RBFOX1: variants seen among roughly 807,000 people sequenced by gnomAD.
RBFOX1 encodes RNA binding fox-1 homolog 1.
In RBFOX1, 8 loss-of-function variants were observed where a neutral mutation model predicts 57.7. The observed-to-expected ratio is 0.14, with a 90% CI of 0.08 to 0.25. The LOEUF (loss-of-function observed/expected upper bound fraction) is 0.25, where lower values mean the gene tolerates loss of function less well. Ranked by LOEUF, RBFOX1 falls within the 10% of genes least tolerant of loss-of-function variation. The pLI is 1.00. For synonymous variants in RBFOX1, 326 were observed against 222.4 expected, an observed-to-expected ratio of 1.47 and a Z score of -4.15; for missense variants, 611 against 548.5, an observed-to-expected ratio of 1.11 and a Z score of -1.14.
chr16:5,780,533 T>C (rs1312776886), intron 3 of RBFOX1, among the ~76,000 whole-genome samples: 1 of 152,188 alleles, frequency 6.6e-6, no homozygotes. Context: ...TATTTGTCAA[T>C]TTAAACAATC....
At chr16:6,777,156 G>C (rs575301534) in intron 3 of RBFOX1, among the ~76,000 whole-genome samples, 7 of 140,082 alleles carry the variant, frequency 5.0e-5, no homozygotes, top group South Asian at 4.4e-4. Context: ...ACATTTTCCA[G>C]ATATTTCTAG....
chr16:5,613,660 A>G (rs569579124), intron 3 of RBFOX1, among the ~76,000 whole-genome samples: 1 of 152,320 alleles, frequency 6.6e-6, no homozygotes, highest in Non-Finnish European at 1.5e-5. Context: ...TACCAGGACC[A>G]TATTGGGGTC....
intron 3 of RBFOX1, among the ~76,000 whole-genome samples, chr16:7,009,232 T>A (rs1261291157): frequency 2.2e-5 from 3 of 134,786 alleles, no homozygotes; most frequent in Non-Finnish European, 4.7e-5. Context: ...CTTTCTTTTT[T>A]CTTCTTGTCT....
intron 10 of RBFOX1, among the ~76,000 whole-genome samples, chr16:7,620,061 C>A (rs187936127): frequency 6.6e-6 from 1 of 152,262 alleles, no homozygotes; most frequent in African/African-American, 2.4e-5. Flanking sequence ...TTATGTTTAG[C>A]ATTATGTTTA....
intron 4 of RBFOX1, among the ~76,000 whole-genome samples, chr16:7,156,790 C>T (rs2077239755): frequency 6.6e-6 from 1 of 152,076 alleles, no homozygotes; most frequent in Non-Finnish European, 1.5e-5. Context: ...TCTGTGTATA[C>T]TTCTATCTCT....
At chr16:7,575,445 T>C (rs2093240927) in intron 5 of RBFOX1, among the ~76,000 whole-genome samples, 1 of 152,078 alleles carries the variant, frequency 6.6e-6, no homozygotes, top group Non-Finnish European at 1.5e-5. Context: ...AGTATCGTTT[T>C]AAGAAGAAAA....
At chr16:7,663,137 C>T (rs1256618658) in intron 12 of RBFOX1, among the ~76,000 whole-genome samples, 8 of 152,198 alleles carry the variant, frequency 5.3e-5, no homozygotes, top group Non-Finnish European at 2.9e-5. Context: ...ATCTGTTGCT[C>T]CCTCTCTTTC....
chr16:6,879,202 T>A (rs1052187898), intron 3 of RBFOX1, among the ~76,000 whole-genome samples: 3 of 152,120 alleles, frequency 2.0e-5, no homozygotes, highest in Non-Finnish European at 2.9e-5. Flanking sequence ...TCCAGTAATA[T>A]GATATTTTTA....
chr16:7,138,444 A>G (rs2072666360), intron 4 of RBFOX1, among the ~76,000 whole-genome samples: 2 of 152,168 alleles, frequency 1.3e-5, no homozygotes, highest in Non-Finnish European at 1.5e-5. Flanking sequence ...GGAGGCAAGG[A>G]TGCTCAAAGC....
chr16:5,922,889 C>T (rs909709506), intron 4 of RBFOX1, among the ~76,000 whole-genome samples: 4 of 152,160 alleles, frequency 2.6e-5, no homozygotes, highest in Non-Finnish European at 5.9e-5. Context: ...TGGCAGACAC[C>T]AGCACTTTGC....
rs8058105 is a variant in RBFOX1, at chr16:7,439,757, C to T, written c.28-78390C>T. Among the ~76,000 whole-genome samples the T allele has an allele frequency of 4.3e-3, 659 of 152,168 alleles. 4 individuals carry two copies. Among genetic ancestry groups the T allele is most frequent in the African/African-American group, 0.015 (633 of 41,512 alleles). Reference sequence around the variant, plus strand: ...TGTCTTTTCCTCATGCATATTCTTTCCTGAGCATCTACCGCCAAATTTACA... The same window carrying T: ...TGTCTTTTCCTCATGCATATTCTTTTCTGAGCATCTACCGCCAAATTTACA... On this transcript the variant is annotated intron_variant, in intron 4 of 15. Coordinates refer to ENST00000550418, the MANE Select transcript of RBFOX1 (RefSeq NM_018723.4).
chr16:6,213,192 C>G (rs1369851108), intron 1 of RBFOX1, among the ~76,000 whole-genome samples: 4 of 151,612 alleles, frequency 2.6e-5, no homozygotes, highest in Admixed American at 2.0e-4. Flanking sequence ...ATATTTTTTT[C>G]TTTTTTATGA....
At chr16:6,615,545 G>A (rs2098129652) in intron 2 of RBFOX1, among the ~76,000 whole-genome samples, 2 of 151,388 alleles carry the variant, frequency 1.3e-5, no homozygotes, top group African/African-American at 2.4e-5. Flanking sequence ...TCTCCATCCT[G>A]GGAGAAAGAG....
At chr16:5,951,199 G>C (rs907147529) in intron 4 of RBFOX1, among the ~76,000 whole-genome samples, 5 of 152,164 alleles carry the variant, frequency 3.3e-5, no homozygotes, top group African/African-American at 1.2e-4. Context: ...TGAAATCTCA[G>C]CACTTTGGGA....
At chr16:5,838,262 G>T in intron 3 of RBFOX1, 1 of 226,974 alleles carries the variant, frequency 4.4e-6, no homozygotes, top group South Asian at 7.7e-5. Context: ...TGTTCCAGGT[G>T]ACAACAGCTC....
chr16:6,655,853 G>C (rs1191212468), intron 3 of RBFOX1, among the ~76,000 whole-genome samples: 1 of 152,222 alleles, frequency 6.6e-6, no homozygotes, highest in South Asian at 2.1e-4. Context: ...ATCATGACTG[G>C]GGCATGTCTG....
intron 1 of RBFOX1, among the ~76,000 whole-genome samples, chr16:5,378,892 T>TA (rs2066059397): frequency 6.6e-6 from 1 of 151,522 alleles, no homozygotes; most frequent in South Asian, 2.1e-4. Flanking sequence ...GTAGACTGTA[T>TA]ACATAGAGAG....
At chr16:5,727,811 C>A (rs988361819) in intron 3 of RBFOX1, among the ~76,000 whole-genome samples, 13 of 152,310 alleles carry the variant, frequency 8.5e-5, no homozygotes, top group Non-Finnish European at 1.8e-4. Flanking sequence ...CCTCAGCCTG[C>A]TGAGTAGCTG....
Position 5,947,378 on chromosome 16 carries a change from G to A in RBFOX1, c.351+80043G>A, listed in dbSNP as rs1456263771. On this transcript the variant is annotated intron_variant, in intron 4 of 19. Coordinates refer to the RBFOX1 transcript ENST00000641259. This position sits in a 1 kb window ranked among gnomAD's most constrained non-coding sequence, Gnocchi z 7.2. ...CATTGCAATGACAGATTTTTGTTCT[G>A]TTTTGTTTTCAGACAGGGTCTTGCT... is the stretch of plus-strand genomic sequence containing the variant. Among the ~76,000 whole-genome samples the A allele has an allele frequency of 1.3e-5, 2 of 152,138 alleles. No homozygotes were observed. Among genetic ancestry groups the A allele is most frequent in the Non-Finnish European group, 2.9e-5 (2 of 68,016 alleles).
Sources: gnomAD v4.1 joint callset for allele counts (sites outside exome capture counted in the v4.1 genomes callset) on GRCh38, gnomAD v4.1.1 for gene constraint, Gnocchi (gnomAD v3.1) non-coding constraint, MANE v1.5 for transcripts, NCBI Gene and HGNC (gene_info 2026-07-23, HGNC 2026-07-21) for gene names.